Variants in PPM1D observed in about 807,000 individuals in gnomAD.
PPM1D encodes the protein protein phosphatase 1D.
A neutral mutation model predicts 58.3 loss-of-function variants in PPM1D; 52 were observed. The observed-to-expected ratio is 0.89, with a 90% confidence interval of 0.71 to 1.12. PPM1D has a LOEUF of 1.12. Ranked by LOEUF, PPM1D falls within the 50% of genes most tolerant of loss-of-function variation. The pLI, the probability that PPM1D is intolerant of heterozygous loss-of-function variation, is 0.00. For synonymous variants in PPM1D, 278 were observed against 285.1 expected (o/e 0.98, Z 0.25); for missense variants, 564 against 777.2 (o/e 0.73, Z 3.26).
intron 3 of PPM1D, among the ~76,000 whole-genome samples, chr17:60,636,275 G>A (rs1357505250): frequency 1.3e-5 from 2 of 152,178 alleles, no homozygotes; most frequent in Admixed American, 6.6e-5. Flanking sequence ...ATTTGTGGAT[G>A]TATTTTAAAA....
At chr17:60,625,741 G>C (rs931359383) in intron 2 of PPM1D, among the ~76,000 whole-genome samples, 3 of 152,128 alleles carry the variant, frequency 2.0e-5, no homozygotes, top group Non-Finnish European at 4.4e-5. Context: ...AAAAAAGCAG[G>C]ATATAAAATT....
chr17:60,616,347 G>T (rs2030584810), intron 1 of PPM1D, among the ~76,000 whole-genome samples: 1 of 151,898 alleles, frequency 6.6e-6, no homozygotes, highest in Admixed American at 6.6e-5. Flanking sequence ...AGTGGCTCAT[G>T]CCTGTAATCC....
chr17:60,642,896 T>C (rs1332163784), intron 3 of PPM1D, among the ~76,000 whole-genome samples: 1 of 148,702 alleles, frequency 6.7e-6, no homozygotes, highest in Admixed American at 6.7e-5. Context: ...GAAACCCCCA[T>C]CTCTACTAAA....
At chr17:60,637,079 C>G (rs562023599) in intron 3 of PPM1D, among the ~76,000 whole-genome samples, 1 of 151,614 alleles carries the variant, frequency 6.6e-6, no homozygotes, top group South Asian at 2.1e-4. Flanking sequence ...AGCAATTCTG[C>G]TGCCTCAGCC....
chr17:60,660,160 A>G (rs1268570648), intron 5 of PPM1D, among the ~76,000 whole-genome samples: 1 of 152,002 alleles, frequency 6.6e-6, no homozygotes, highest in East Asian at 1.9e-4. Context: ...ACATGGTGAA[A>G]TCCTGTCTTT....
chr17:60,617,068 C>T (rs1028752285), intron 1 of PPM1D, among the ~76,000 whole-genome samples: 2 of 152,038 alleles, frequency 1.3e-5, no homozygotes, highest in African/African-American at 2.4e-5. Flanking sequence ...CTGCCTCCTC[C>T]TCTGAAGAAG....
At chr17:60,626,744 A>G (rs1039183053) in intron 2 of PPM1D, among the ~76,000 whole-genome samples, 4 of 152,044 alleles carry the variant, frequency 2.6e-5, no homozygotes, top group African/African-American at 9.7e-5. Flanking sequence ...AGGTCTTACC[A>G]TGTTGCCCAG....
At chr17:60,633,424 T>C (rs2030966544) in intron 2 of PPM1D, among the ~76,000 whole-genome samples, 1 of 152,204 alleles carries the variant, frequency 6.6e-6, no homozygotes, top group Non-Finnish European at 1.5e-5. Context: ...ATTTATTTAT[T>C]GAGACAAGAG....
At chr17:60,633,327 G>C (rs987020319) in intron 2 of PPM1D, among the ~76,000 whole-genome samples, 6 of 152,106 alleles carry the variant, frequency 3.9e-5, no homozygotes, top group African/African-American at 9.7e-5. Context: ...AAGTTCTGCT[G>C]TTTCGCCCGT....
intron 5 of PPM1D, among the ~76,000 whole-genome samples, chr17:60,661,004 A>G (rs1377155713): frequency 3.9e-5 from 6 of 152,058 alleles, no homozygotes; most frequent in African/African-American, 1.2e-4. Context: ...ACCTGAGGTC[A>G]GGAGATCGAG....
At chr17:60,639,583 G>T (rs932246686) in intron 3 of PPM1D, among the ~76,000 whole-genome samples, 2 of 152,076 alleles carry the variant, frequency 1.3e-5, no homozygotes, top group African/African-American at 2.4e-5. Flanking sequence ...GACTACAGGC[G>T]CACGCCACTG....
chr17:60,621,626 T>C (rs1418579811), intron 1 of PPM1D, among the ~76,000 whole-genome samples: 1 of 147,688 alleles, frequency 6.8e-6, no homozygotes, highest in East Asian at 2.0e-4. Flanking sequence ...GACTGCGGAC[T>C]GCAGTGGCGC....
At chr17:60,632,614 C>G (rs969901776) in intron 2 of PPM1D, among the ~76,000 whole-genome samples, 7 of 152,052 alleles carry the variant, frequency 4.6e-5, no homozygotes, top group Admixed American at 2.0e-4. Context: ...AATCCCAGCA[C>G]TTTGGGAGAC....
chr17:60,602,385 A>C (rs2030233282), intron 1 of PPM1D, among the ~76,000 whole-genome samples: 1 of 152,196 alleles, frequency 6.6e-6, no homozygotes, highest in African/African-American at 2.4e-5. Flanking sequence ...TTTAAGGATA[A>C]AAAATCTTTA....
chr17:60,613,890 G>GCCCCCCCCCCCCCCCCCCCC (rs61669650), intron 1 of PPM1D, among the ~76,000 whole-genome samples: 1 of 137,428 alleles, frequency 7.3e-6, no homozygotes, highest in African/African-American at 2.9e-5. Flanking sequence ...CATACCTGAG[G>GCCCCCCCCCCCCCCCCCCCC]CCCCCCCCCC....
chr17:60,615,715 A>G lies in PPM1D; in HGVS notation c.473-7806A>G, dbSNP rs966646573. Among the ~76,000 whole-genome samples the G allele has an allele frequency of 9.0e-5, 12 of 133,670 alleles. No homozygotes were observed. The East Asian group carries it at 1.5e-3, about 17-fold the overall frequency. The allele number at this position is 133,670 out of a possible 152,430, so 87.7% of individuals were successfully genotyped here. A position where few individuals can be genotyped will look rare whatever the true frequency, so the allele number is the denominator to read the frequency against. On this transcript the variant is annotated intron_variant, in intron 1 of 5. Transcript: ENST00000305921. The stretch of plus-strand genomic sequence containing the variant: ...TTTTGGGTAGAGATAGGGTCTTACT[A>G]TGTTGCACAGACTGGTCTTGAACTC...
At chr17:60,641,431 G>A (rs1205287160) in intron 3 of PPM1D, among the ~76,000 whole-genome samples, 2 of 152,014 alleles carry the variant, frequency 1.3e-5, no homozygotes, top group African/African-American at 4.8e-5. Context: ...TTTCTAATGG[G>A]GTTATTTGTT....
At chr17:60,638,047 A>T (rs929391514) in intron 3 of PPM1D, among the ~76,000 whole-genome samples, 1 of 152,226 alleles carries the variant, frequency 6.6e-6, no homozygotes, top group Non-Finnish European at 1.5e-5. Flanking sequence ...GACCACAACC[A>T]TGATTGGGGT....
At chr17:60,632,502 G>T (rs557157038) in intron 2 of PPM1D, among the ~76,000 whole-genome samples, 1 of 152,214 alleles carries the variant, frequency 6.6e-6, no homozygotes, top group African/African-American at 2.4e-5. Context: ...AGGAAGTCAA[G>T]CCTGCAGTGA....
Sources: gnomAD v4.1 joint callset for allele counts (sites outside exome capture counted in the v4.1 genomes callset) on GRCh38, gnomAD v4.1.1 for gene constraint, MANE v1.5 for transcripts, NCBI Gene and HGNC (gene_info 2026-07-23, HGNC 2026-07-21) for gene names.